GALNT13: variants seen among roughly 807,000 people sequenced by gnomAD.
GALNT13 encodes polypeptide N-acetylgalactosaminyltransferase 13, also known as UDP-GalNAc:polypeptide N-acetylgalactosaminyltransferase 13.
Under a neutral mutation model 64.2 loss-of-function variants are expected in GALNT13, and 28 were observed. That is an observed-to-expected ratio of 0.44 (90% CI 0.32 to 0.60). The LOEUF is 0.60. Among genes scored for constraint, GALNT13 ranks in the 20% least tolerant of loss-of-function variants. The probability of loss-of-function intolerance (pLI) is 0.05; values close to 1 mark genes in which losing one functional copy is unlikely to be tolerated. For synonymous variants in GALNT13, 214 were observed against 224.6 expected (o/e 0.95, Z 0.42); for missense variants, 577 against 669.8 (o/e 0.86, Z 1.53).
chr2:153,730,163 G>A, the GALNT13 span, among the ~76,000 whole-genome samples: 1 of 151,888 alleles, frequency 6.6e-6, no homozygotes, highest in Admixed American at 6.6e-5. Context: ...CAGCAAAGTG[G>A]GAGGCATCAC....
intron 3 of GALNT13, among the ~76,000 whole-genome samples, chr2:153,982,459 C>T (rs565344437): frequency 6.6e-6 from 1 of 152,006 alleles, no homozygotes; most frequent in Non-Finnish European, 1.5e-5. Context: ...CTGAAAACTG[C>T]AAATTTTGTT....
At chr2:154,445,249 C>T (rs988053303) in intron 12 of GALNT13, among the ~76,000 whole-genome samples, 3 of 151,664 alleles carry the variant, frequency 2.0e-5, no homozygotes, top group Non-Finnish European at 4.4e-5. Context: ...ACATATGTTA[C>T]AGTCATTTTT....
At chr2:153,399,511 G>T in the GALNT13 span, among the ~76,000 whole-genome samples, 1 of 151,988 alleles carries the variant, frequency 6.6e-6, no homozygotes, top group African/African-American at 2.4e-5. Context: ...AAATTACCTT[G>T]GGCAGTATGG....
the GALNT13 span, among the ~76,000 whole-genome samples, chr2:153,097,579 T>C: frequency 8.8e-4 from 134 of 152,334 alleles, 2 homozygotes; most frequent in East Asian, 0.023. Flanking sequence ...GGTAACTTAT[T>C]ATAAACAACA....
the GALNT13 span, among the ~76,000 whole-genome samples, chr2:153,325,105 T>C: frequency 7.1e-6 from 1 of 141,332 alleles, no homozygotes; most frequent in Non-Finnish European, 1.5e-5. Context: ...TGAATCCCTC[T>C]GGACCTGGGT....
At chr2:153,653,211 A>G in the GALNT13 span, among the ~76,000 whole-genome samples, 5 of 145,270 alleles carry the variant, frequency 3.4e-5, no homozygotes, top group African/African-American at 1.2e-4. Context: ...GGATCAACAC[A>G]TGTGAAGAGA....
chr2:153,342,647 C>T, the GALNT13 span, among the ~76,000 whole-genome samples: 15 of 152,186 alleles, frequency 9.9e-5, no homozygotes, highest in Non-Finnish European at 1.2e-4. Context: ...AAAGAAATGA[C>T]TGGAGTTGAA....
chr2:153,123,042 A>G, the GALNT13 span, among the ~76,000 whole-genome samples: 1 of 152,152 alleles, frequency 6.6e-6, no homozygotes, highest in Non-Finnish European at 1.5e-5. Context: ...GGAGAATCCC[A>G]TGTGAAGATA....
chr2:153,316,700 C>G, the GALNT13 span, among the ~76,000 whole-genome samples: 6 of 150,190 alleles, frequency 4.0e-5, no homozygotes, highest in Non-Finnish European at 8.9e-5. Context: ...CATAAAACCC[C>G]CAAGCTAGAA....
intron 9 of GALNT13, among the ~76,000 whole-genome samples, chr2:154,311,737 G>A (rs1278138993): frequency 0.015 from 1,966 of 130,282 alleles, no homozygotes; most frequent in African/African-American, 0.022. Context: ...CTGCAATCTC[G>A]ACCATAAGAG....
intron 3 of GALNT13, among the ~76,000 whole-genome samples, chr2:154,071,899 C>A (rs1266458434): frequency 6.6e-6 from 1 of 151,988 alleles, no homozygotes; most frequent in East Asian, 1.9e-4. Context: ...ATGAAATAGA[C>A]AAGAAGCACA....
At chr2:153,699,807 T>G in the GALNT13 span, among the ~76,000 whole-genome samples, 2 of 152,128 alleles carry the variant, frequency 1.3e-5, no homozygotes, top group Non-Finnish European at 2.9e-5. Flanking sequence ...GTTGAATCCC[T>G]GAATAGACCA....
At chr2:154,437,527 A>T (rs1489048170) in intron 11 of GALNT13, 6 of 1,281,354 alleles carry the variant, frequency 4.7e-6, no homozygotes, top group Non-Finnish European at 6.1e-6. Context: ...TATCGTAGTT[A>T]AAAGAAGAAA....
the GALNT13 span, among the ~76,000 whole-genome samples, chr2:153,448,693 A>G: frequency 6.6e-6 from 1 of 152,222 alleles, no homozygotes; most frequent in Admixed American, 6.5e-5. Flanking sequence ...AAGTTAACCT[A>G]TTCTACCTCT....
intron 1 of GALNT13, among the ~76,000 whole-genome samples, chr2:153,877,568 A>T (rs1341449163): frequency 6.6e-6 from 1 of 152,134 alleles, no homozygotes; most frequent in Non-Finnish European, 1.5e-5. Context: ...TTTTGTTAAT[A>T]AAGTGGATTT....
the GALNT13 span, among the ~76,000 whole-genome samples, chr2:153,283,326 T>A: frequency 6.6e-6 from 1 of 152,204 alleles, no homozygotes; most frequent in Admixed American, 6.5e-5. Context: ...CCTAAATGCC[T>A]AATTCATGAG....
the GALNT13 span, among the ~76,000 whole-genome samples, chr2:153,570,968 AT>A: frequency 7.2e-3 from 1,029 of 143,572 alleles, 5 homozygotes; most frequent in East Asian, 0.026. Context: ...ACATTTTAGT[AT>A]TTTTTTTTTT....
the GALNT13 span, among the ~76,000 whole-genome samples, chr2:153,649,575 C>T: frequency 6.6e-6 from 1 of 150,704 alleles, no homozygotes; most frequent in South Asian, 2.1e-4. Flanking sequence ...AATTTTGGAT[C>T]TTTCCTGCTT....
chr2:154,211,884 A>G (rs2105802297), intron 4 of GALNT13, among the ~76,000 whole-genome samples: 1 of 152,232 alleles, frequency 6.6e-6, no homozygotes, highest in East Asian at 1.9e-4. Context: ...GCATGGGTCA[A>G]GAAAGACAAA....
Sources: gnomAD v4.1 joint callset for allele counts (sites outside exome capture counted in the v4.1 genomes callset) on GRCh38, gnomAD v4.1.1 for gene constraint, MANE v1.5 for transcripts, NCBI Gene and HGNC (gene_info 2026-07-23, HGNC 2026-07-21) for gene names.